Variants in CNGB1 observed in about 807,000 individuals in gnomAD.
The protein encoded by CNGB1 is cyclic nucleotide-gated channel beta-1.
CNGB1 carries 126 observed loss-of-function variants against 151.7 expected under a neutral mutation model. That is an observed-to-expected ratio of 0.83 (90% CI 0.72 to 0.96). CNGB1 has a LOEUF of 0.96. Among genes scored for constraint, CNGB1 ranks in the 40% least tolerant of loss-of-function variants. The pLI is 0.00. For missense variants in CNGB1, 1,698 were observed against 1,627.0 expected (o/e 1.04, Z -0.75); for synonymous variants, 623 against 635.1 (o/e 0.98, Z 0.29).
chr16:57,925,292 C>T (rs1438854300), intron 17 of CNGB1, among the ~76,000 whole-genome samples: 1 of 152,068 alleles, frequency 6.6e-6, no homozygotes, highest in Non-Finnish European at 1.5e-5. Flanking sequence ...CATGAGCCAC[C>T]ACGCCCGGCC....
intron 12 of CNGB1, chr16:57,954,639 C>T: frequency 2.1e-6 from 2 of 969,376 alleles, no homozygotes; most frequent in Non-Finnish European, 2.5e-6. Context: ...CTTCTTTTAG[C>T]TTTATCCTAA....
chr16:57,884,228 G>T lies in CNGB1; in HGVS notation c.3692C>A (p.Pro1231Gln), dbSNP rs369171197. Residue 1231 changes from proline to glutamine, a missense_variant, in exon 33 of 33, where the codon CCG becomes CAG. Pro to Gln is a moderately conservative substitution (Grantham distance 76). Coordinates refer to ENST00000251102, the MANE Select transcript of CNGB1 (RefSeq NM_001297.5). Reference sequence around the variant, plus strand: ...CGACAGGATCTGCTCTCCCGGCTCCGGGCCCGGGCTCATGCAGATCCTCAC... The same window carrying T: ...CGACAGGATCTGCTCTCCCGGCTCCTGGCCCGGGCTCATGCAGATCCTCAC... The part of the protein sequence containing the change: ...HSVRICMSPG[P>Q]EPGEQILSVK... 6.2e-6 allele frequency: 10 copies of T among 1,613,900 alleles called. No individual in the cohort carries two copies. The East Asian group carries it at 1.3e-4, about 22-fold the overall frequency.
chr16:57,935,345 A>G (rs1388705821), intron 16 of CNGB1, among the ~76,000 whole-genome samples: 1 of 152,228 alleles, frequency 6.6e-6, no homozygotes, highest in East Asian at 1.9e-4. Flanking sequence ...TTAATTAAAT[A>G]AAAAAGAGAA....
intron 16 of CNGB1, among the ~76,000 whole-genome samples, chr16:57,934,548 C>G (rs1425517504): frequency 6.6e-6 from 1 of 152,234 alleles, no homozygotes; most frequent in Non-Finnish European, 1.5e-5. Context: ...AGATCAGCCC[C>G]CTGTGTCAAT....
intron 25 of CNGB1, among the ~76,000 whole-genome samples, chr16:57,910,673 C>CTTT (rs56363726): frequency 0.016 from 1,706 of 104,096 alleles, 65 homozygotes; most frequent in African/African-American, 0.062. Flanking sequence ...CAAGCCCGGC[C>CTTT]TTTTTTTTTT....
chr16:57,968,192 G>T (rs1423747857), intron 1 of CNGB1, among the ~76,000 whole-genome samples: 1 of 152,098 alleles, frequency 6.6e-6, no homozygotes, highest in Non-Finnish European at 1.5e-5. Context: ...AGGATAAAAT[G>T]AATTGATAAG....
intron 14 of CNGB1, among the ~76,000 whole-genome samples, chr16:57,944,969 A>AAAT (rs1175881675): frequency 1.3e-5 from 2 of 151,134 alleles, no homozygotes; most frequent in African/African-American, 4.8e-5. Context: ...AAAAAAAAAA[A>AAAT]AAAACAAGAA....
Position 57,939,532 on chromosome 16 carries a change from C to T in CNGB1, c.1270G>A (p.Glu424Lys). ...KKEAEEKAKE[E>K]AEEVAEEEAE... ...TCCTCTTCAGCCACCTCCTCGGCCT[C>T]CTCCTTGGCCTTCTCTTCAGCCTCC... The change falls in exon 16 of 33, where the codon GAG becomes AAG. Residue 424 changes from glutamate to lysine, a missense_variant. Glu to Lys is a moderately conservative substitution (Grantham distance 56). Transcript: ENST00000251102. 3.7e-6 allele frequency: 6 copies of T among 1,614,128 alleles called. No individual in the cohort carries two copies. Among genetic ancestry groups the T allele is most frequent in the Non-Finnish European group, 5.1e-6 (6 of 1,179,984 alleles).
intron 31 of CNGB1, among the ~76,000 whole-genome samples, chr16:57,890,948 T>C (rs1027302674): frequency 1.3e-5 from 2 of 152,222 alleles, no homozygotes; most frequent in Non-Finnish European, 2.9e-5. Context: ...GCCCCATTCC[T>C]TCGCCTGGCT....
At position 57,923,313 on chromosome 16, in the gene CNGB1, C is replaced by T; in HGVS notation, c.1603G>A (p.Val535Met). The T allele has an allele frequency of 6.2e-7, 1 of 1,613,466 alleles. No homozygotes were observed. The highest frequency in any genetic ancestry group is 1.3e-5 in the African/African-American group (1 of 75,030). The change falls in exon 18 of 33, where the codon GTG (valine) becomes ATG (methionine). Residue 535 changes from valine to methionine, a missense_variant. By Grantham distance (21) the Val-to-Met change is conservative. Coordinates refer to ENST00000251102, the MANE Select transcript of CNGB1 (RefSeq NM_001297.5). The part of the protein sequence containing the change: ...LKALSPAESP[V>M]VAWSDPTTPK... Reference sequence around the variant, plus strand: ...GTGGTGGGGTCAGACCAGGCAACCACTGGGGACTCTGCTGGTGACAACGCC... The same window carrying T: ...GTGGTGGGGTCAGACCAGGCAACCATTGGGGACTCTGCTGGTGACAACGCC...
chr16:57,901,647 G>T (rs1430898874), intron 27 of CNGB1, 22 bp from the exon 28 acceptor site: 1 of 1,606,050 alleles, frequency 6.2e-7, no homozygotes, highest in Non-Finnish European at 8.5e-7. Flanking sequence ...GCCTGGCAAG[G>T]GTCAGAGGCA....
rs116545826 is a variant in CNGB1, at chr16:57,925,433, G to A, written c.1536-2053C>T. ...CATGGTAGTACACACAGCTGAATCAGCAAGAGAAACTTGGCTGTGGGGACA... is the reference window on the plus strand; with the variant it reads ...CATGGTAGTACACACAGCTGAATCAACAAGAGAAACTTGGCTGTGGGGACA... On this transcript the variant is annotated intron_variant, in intron 17 of 32. Coordinates refer to ENST00000251102, the MANE Select transcript of CNGB1 (RefSeq NM_001297.5). 4.5e-3 allele frequency among the ~76,000 whole-genome samples: 687 copies of A among 152,338 alleles called. 5 individuals are homozygous for A. The highest frequency in any genetic ancestry group is 0.015 in the African/African-American group (613 of 41,568).
intron 31 of CNGB1, among the ~76,000 whole-genome samples, chr16:57,897,142 A>C (rs1173805108): frequency 2.0e-5 from 3 of 151,904 alleles, no homozygotes; most frequent in Non-Finnish European, 4.4e-5. Context: ...TCTAGAAAAA[A>C]ATTTTAAAAA....
At chr16:57,885,526 TTTCCTTCC>T (rs1244889402) in intron 32 of CNGB1, among the ~76,000 whole-genome samples, 2 of 149,536 alleles carry the variant, frequency 1.3e-5, no homozygotes, top group Non-Finnish European at 3.0e-5. Flanking sequence ...TCCTTCCTTT[TTTCCTTCC>T]TTCCTTCCTT....
intron 17 of CNGB1, among the ~76,000 whole-genome samples, chr16:57,929,935 A>G (rs28837846): frequency 0.033 from 5,050 of 152,308 alleles, 261 homozygotes; most frequent in African/African-American, 0.11. Context: ...CAAAAAATAA[A>G]TAAATAAATA....
intron 7 of CNGB1, 50 bp from the exon 8 acceptor site, chr16:57,960,965 G>T (rs201607403): frequency 3.2e-6 from 5 of 1,561,594 alleles, no homozygotes; most frequent in South Asian, 1.1e-5. Flanking sequence ...ACCGGCCAGC[G>T]CACTAACAGC....
At chr16:57,967,598 A>G (rs1962432631) in intron 1 of CNGB1, among the ~76,000 whole-genome samples, 1 of 152,090 alleles carries the variant, frequency 6.6e-6, no homozygotes, top group Non-Finnish European at 1.5e-5. Flanking sequence ...CAGGAGGCTG[A>G]GGTGGGAGGA....
intron 31 of CNGB1, among the ~76,000 whole-genome samples, chr16:57,893,445 A>C (rs1331965506): frequency 6.6e-6 from 1 of 152,024 alleles, no homozygotes; most frequent in Non-Finnish European, 1.5e-5. Flanking sequence ...ATTAACATGC[A>C]CTGAGCTCTC....
chr16:57,961,079 G>A (rs1962243521), intron 7 of CNGB1, among the ~76,000 whole-genome samples, 164 bp from the exon 8 acceptor site: 1 of 152,144 alleles, frequency 6.6e-6, no homozygotes, highest in African/African-American at 2.4e-5. Flanking sequence ...CAAGCGGGTG[G>A]GGAAATCCTG....
Sources: gnomAD v4.1 joint callset for allele counts (sites outside exome capture counted in the v4.1 genomes callset) on GRCh38, gnomAD v4.1.1 for gene constraint, MANE v1.5 for transcripts, NCBI Gene and HGNC (gene_info 2026-07-23, HGNC 2026-07-21) for gene names.